Variants in GPATCH2 observed in about 807,000 individuals in gnomAD.
The protein encoded by GPATCH2 is G-patch domain containing 2.
A neutral mutation model predicts 58.0 loss-of-function variants in GPATCH2; 51 were observed. The ratio of observed to expected loss-of-function variants is 0.88; its 90% CI spans 0.70 to 1.11. The LOEUF is 1.11. Ranked by LOEUF, GPATCH2 falls within the 50% of genes most tolerant of loss-of-function variation. The pLI is 0.00. For synonymous variants in GPATCH2, 222 were observed against 218.5 expected (o/e 1.02, Z -0.14); for missense variants, 625 against 652.2 (o/e 0.96, Z 0.45).
intron 3 of GPATCH2, among the ~76,000 whole-genome samples, chr1:217,612,080 T>A (rs1257797761): frequency 6.6e-6 from 1 of 152,034 alleles, no homozygotes; most frequent in Non-Finnish European, 1.5e-5. Context: ...CTCGGGAGTC[T>A]GAGGCAGGAG....
chr1:217,600,389 T>C (rs1277902530), intron 5 of GPATCH2, among the ~76,000 whole-genome samples: 1 of 152,170 alleles, frequency 6.6e-6, no homozygotes, highest in Non-Finnish European at 1.5e-5. Flanking sequence ...GATGATTTCA[T>C]TATGAATTTT....
At chr1:217,463,420 A>G (rs998548321) in intron 8 of GPATCH2, among the ~76,000 whole-genome samples, 8 of 152,090 alleles carry the variant, frequency 5.3e-5, no homozygotes, top group Non-Finnish European at 1.2e-4. Context: ...AAGTAATTGG[A>G]TATGAGGCTG....
chr1:217,498,283 C>T (rs1480543209), intron 7 of GPATCH2, 73 bp downstream of exon 7: 1 of 1,114,624 alleles, frequency 9.0e-7, no homozygotes, highest in South Asian at 1.2e-5. Context: ...AGCTGATCTA[C>T]TCTCCTGAAG....
chr1:217,447,228 T>C (rs1659432764), intron 9 of GPATCH2, among the ~76,000 whole-genome samples: 1 of 152,220 alleles, frequency 6.6e-6, no homozygotes, highest in Non-Finnish European at 1.5e-5. Context: ...CATTTCTACA[T>C]AGTAATAGTT....
At chr1:217,448,398 C>G (rs1659492822) in intron 9 of GPATCH2, among the ~76,000 whole-genome samples, 2 of 152,190 alleles carry the variant, frequency 1.3e-5, no homozygotes, top group Admixed American at 1.3e-4. Flanking sequence ...TTTTCTCATA[C>G]AGCTTGCTGC....
chr1:217,446,435 T>C (rs78124023), intron 9 of GPATCH2, among the ~76,000 whole-genome samples: 2,235 of 152,274 alleles, frequency 0.015, 19 homozygotes, highest in Middle Eastern at 0.054. Context: ...AGTGTATTTA[T>C]GCAAAACCAT....
At chr1:217,585,321 G>A (rs766403945) in intron 5 of GPATCH2, among the ~76,000 whole-genome samples, 10 of 151,992 alleles carry the variant, frequency 6.6e-5, no homozygotes, top group Non-Finnish European at 1.0e-4. Context: ...TGAAACAAGT[G>A]ACATGAATAA....
Position 217,628,093 on chromosome 1 carries a change from T to C in GPATCH2, c.56+2823A>G, listed in dbSNP as rs76138962. The stretch of plus-strand genomic sequence containing the variant: ...TTACTGAACATATAACCTGAATTCC[T>C]ATAACAGGAATGAGAATGAAGACAA... On this transcript the variant is annotated intron_variant, in intron 1 of 9. Transcript: ENST00000366935. Among the ~76,000 whole-genome samples, 738 of 152,172 alleles carry C rather than the reference T, an allele frequency of 4.8e-3. 20 individuals are homozygous for C. The East Asian group carries it at 0.082, about 17-fold the overall frequency.
chr1:217,523,905 C>T (rs1283273526), intron 5 of GPATCH2, among the ~76,000 whole-genome samples: 3 of 112,872 alleles, frequency 2.7e-5, no homozygotes, highest in Non-Finnish European at 6.3e-5. Flanking sequence ...GGGGGGCTGA[C>T]CCCCACACCT....
rs200999451 is a variant in GPATCH2, at chr1:217,610,445, G to T, written c.1019-45C>A. On this transcript the variant is annotated intron_variant, in intron 4 of 9. Transcript: ENST00000366935. Reference sequence around the variant, plus strand: ...AATTTAGAAGTTTTCTATGATCACTGAAGCATAGAAGAAGAAGAGGATCCT... The same window carrying T: ...AATTTAGAAGTTTTCTATGATCACTTAAGCATAGAAGAAGAAGAGGATCCT... 1.4e-4 allele frequency: 148 copies of T among 1,033,566 alleles called. No homozygotes were observed. The African/African-American group carries it at 2.1e-3, about 15-fold the overall frequency. The allele number at this position is 1,033,566 out of a possible 1,614,324, so 64.0% of individuals were successfully genotyped here. A position where few individuals can be genotyped will look rare whatever the true frequency, so the allele number is the denominator to read the frequency against.
In GPATCH2 at chr1:217,469,828, AG is replaced by A. The variant is rs1660638487; in HGVS notation, c.1278-20492del. Among the ~76,000 whole-genome samples, 11 of 152,298 alleles carry A rather than the reference AG, an allele frequency of 7.2e-5. No homozygotes were observed. In the South Asian group the frequency reaches 2.3e-3, roughly 32 times the overall value. On this transcript the variant is annotated intron_variant, in intron 8 of 9. Coordinates refer to ENST00000366935, the MANE Select transcript of GPATCH2 (RefSeq NM_018040.5). ...TTTCAGTGTGGCAGATGAATTTAATAGGTTTTTTCCTGAGGACGGTAAGGTA... is the reference window on the plus strand; with the variant it reads ...TTTCAGTGTGGCAGATGAATTTAATAGTTTTTTCCTGAGGACGGTAAGGTA...
chr1:217,435,455 C>A (rs1031324691), intron 9 of GPATCH2, among the ~76,000 whole-genome samples: 4 of 152,200 alleles, frequency 2.6e-5, no homozygotes, highest in Admixed American at 2.0e-4. Flanking sequence ...TAATTGGCAG[C>A]TTGTTTAGTA....
At chr1:217,505,997 T>A (rs1662539366) in intron 6 of GPATCH2, among the ~76,000 whole-genome samples, 1 of 152,148 alleles carries the variant, frequency 6.6e-6, no homozygotes, top group Non-Finnish European at 1.5e-5. Flanking sequence ...AATTTTTGTA[T>A]TTTTGTAGAG....
At chr1:217,592,490 C>T (rs1667637904) in intron 5 of GPATCH2, among the ~76,000 whole-genome samples, 1 of 151,328 alleles carries the variant, frequency 6.6e-6, no homozygotes, top group East Asian at 1.9e-4. Context: ...AGTGAAAGTA[C>T]AAAATTAAAA....
intron 5 of GPATCH2, among the ~76,000 whole-genome samples, chr1:217,533,912 G>A (rs976041449): frequency 1.3e-5 from 2 of 152,004 alleles, no homozygotes; most frequent in African/African-American, 4.8e-5. Context: ...TATAAAATAA[G>A]ATCTATTAAA....
chr1:217,444,873 AG>A (rs1307360156), intron 9 of GPATCH2, among the ~76,000 whole-genome samples: 1 of 152,220 alleles, frequency 6.6e-6, no homozygotes, highest in Non-Finnish European at 1.5e-5. Flanking sequence ...TACCTTGAAA[AG>A]GAGCTTGGTT....
chr1:217,615,134 A>C (rs544664529), intron 2 of GPATCH2, among the ~76,000 whole-genome samples: 15 of 152,170 alleles, frequency 9.9e-5, no homozygotes, highest in African/African-American at 3.6e-4. Flanking sequence ...GAATTCCATA[A>C]TCTTATTTTT....
At chr1:217,484,571 T>TAG (rs1661363386) in intron 8 of GPATCH2, among the ~76,000 whole-genome samples, 1 of 146,944 alleles carries the variant, frequency 6.8e-6, no homozygotes, top group Admixed American at 6.8e-5. Context: ...TATATATATA[T>TAG]ATATATGATG....
In GPATCH2 at chr1:217,600,698, G is replaced by A. The variant is rs905621087; in HGVS notation, c.1098+9623C>T. 5.9e-5 allele frequency among the ~76,000 whole-genome samples: 9 copies of A among 151,994 alleles called. No individual in the cohort carries two copies. In the East Asian group the frequency reaches 1.3e-3, roughly 23 times the overall value. Reference sequence around the variant, plus strand: ...AAAAAATAATAATAATGGGGACTATGGCAATGTCATCACCATTTTAAAAGA... The same window carrying A: ...AAAAAATAATAATAATGGGGACTATAGCAATGTCATCACCATTTTAAAAGA... On this transcript the variant is annotated intron_variant, in intron 5 of 9. Coordinates refer to ENST00000366935, the MANE Select transcript of GPATCH2 (RefSeq NM_018040.5).
Sources: allele counts gnomAD v4.1 joint callset (sites outside exome capture counted in the v4.1 genomes callset), GRCh38; gene constraint gnomAD v4.1.1; transcripts MANE v1.5; gene names NCBI Gene and HGNC (gene_info 2026-07-23, HGNC 2026-07-21).